The following BFSP2 variants were observed in gnomAD, a reference collection of about 807,000 sequenced individuals.
BFSP2 encodes phakinin.
Under a neutral mutation model 44.9 loss-of-function variants are expected in BFSP2, and 38 were observed. That is an observed-to-expected ratio of 0.85 (90% CI 0.65 to 1.11). The LOEUF is 1.11. BFSP2 is among the 50% of genes least tolerant of loss of function. BFSP2 has a pLI of 0.00. For missense variants in BFSP2, 525 were observed against 533.0 expected (o/e 0.99, Z 0.15); for synonymous variants, 197 against 209.9 (o/e 0.94, Z 0.53).
At chr3:133,460,427 A>G (rs2074051754) in intron 4 of BFSP2, among the ~76,000 whole-genome samples, 1 of 152,076 alleles carries the variant, frequency 6.6e-6, no homozygotes, top group African/African-American at 2.4e-5. Flanking sequence ...TTGGTTTTTA[A>G]AAGATTTTTT....
intron 4 of BFSP2, among the ~76,000 whole-genome samples, chr3:133,454,609 G>T (rs546711045): frequency 6.6e-6 from 1 of 152,270 alleles, no homozygotes; most frequent in Admixed American, 6.5e-5. Context: ...TCTGCAGAGG[G>T]ATAAGTAGAT....
rs545471348 is a variant in BFSP2 at position 133,400,913 on chromosome 3, C to A, written c.489+341C>A. ...AGAGGGATGGAGATGAGATTTGAAC[C>A]TGAATTTTTGTGCCTCCAAAGTTGC... is the stretch of plus-strand genomic sequence containing the variant. On this transcript the variant is annotated intron_variant, in intron 1 of 6. Coordinates refer to ENST00000302334, the MANE Select transcript of BFSP2 (RefSeq NM_003571.4). This position sits in a 1 kb window ranked among gnomAD's most constrained non-coding sequence, Gnocchi z 4.0. 2.6e-5 allele frequency among the ~76,000 whole-genome samples: 4 copies of A among 152,278 alleles called. No individual in the cohort carries two copies. Among genetic ancestry groups the A allele is most frequent in the African/African-American group, 9.6e-5 (4 of 41,560 alleles).
chr3:133,424,218 T>TGTGTGTGTGTG lies in BFSP2; in HGVS notation c.490-23099_490-23098insGTGTGTGTGTG, dbSNP rs1473665826. ...CTACCACCGCGTCCAGCTAATTTTT[T>TGTGTGTGTGTG]TTTTTTTTTTTTTTTTTTTTTTTGT... On this transcript the variant is annotated intron_variant, in intron 1 of 6. Transcript: ENST00000302334. 6.6e-4 allele frequency among the ~76,000 whole-genome samples: 43 copies of TGTGTGTGTGTG among 64,804 alleles called. 1 individual carries two copies. The highest frequency in any genetic ancestry group is 2.2e-3 in the African/African-American group (42 of 19,078). The allele number at this position is 64,804 out of a possible 152,430, so 42.5% of individuals were successfully genotyped here. A position where few individuals can be genotyped will look rare whatever the true frequency, so the allele number is the denominator to read the frequency against.
chr3:133,472,212 A>G, intron 5 of BFSP2, 133 bp from the exon 6 acceptor site: 2 of 1,001,630 alleles, frequency 2.0e-6, no homozygotes, highest in East Asian at 2.6e-5. Context: ...ATCAGTCTCC[A>G]TAACTGGCAA....
intron 4 of BFSP2, among the ~76,000 whole-genome samples, chr3:133,454,479 G>C (rs977701713): frequency 2.8e-4 from 42 of 152,148 alleles, no homozygotes; most frequent in African/African-American, 9.9e-4. Context: ...GCCTGAAGTA[G>C]TATCAGATCC....
intron 1 of BFSP2, among the ~76,000 whole-genome samples, chr3:133,409,228 G>GT (rs900187077): frequency 0.049 from 55 of 1,132 alleles, no homozygotes; most frequent in Admixed American, 0.17. Flanking sequence ...TCTGACACTG[G>GT]TGTGTGTGTG....
At chr3:133,407,234 G>C (rs1307927682) in intron 1 of BFSP2, among the ~76,000 whole-genome samples, 1 of 152,052 alleles carries the variant, frequency 6.6e-6, no homozygotes, top group African/African-American at 2.4e-5. Context: ...AACAAACAAT[G>C]CTATTTATAT....
At chr3:133,452,198 A>C (rs770160226) in intron 4 of BFSP2, among the ~76,000 whole-genome samples, 7 of 152,170 alleles carry the variant, frequency 4.6e-5, no homozygotes, top group Admixed American at 1.3e-4. Context: ...AAAATAGGAG[A>C]GGCTTTTCTG....
At chr3:133,411,560 A>G (rs1199498105) in intron 1 of BFSP2, among the ~76,000 whole-genome samples, 1 of 152,170 alleles carries the variant, frequency 6.6e-6, no homozygotes, top group Non-Finnish European at 1.5e-5. Context: ...GAATATGATT[A>G]AGCCTCAAGA....
chr3:133,407,667 G>A (rs148550408), intron 1 of BFSP2, among the ~76,000 whole-genome samples: 1,792 of 152,152 alleles, frequency 0.012, 15 homozygotes, highest in South Asian at 0.035. Context: ...ATAGTTTAGC[G>A]TTGGCACAAA....
In BFSP2 at chr3:133,434,765, C is replaced by T. The variant is rs142385696; in HGVS notation, c.490-12552C>T. Among the ~76,000 whole-genome samples, 171 of 152,312 alleles carry T rather than the reference C, an allele frequency of 1.1e-3. 1 individual carries two copies. The highest frequency in any genetic ancestry group is 3.5e-3 in the African/African-American group (145 of 41,570). ...CTCATCCTGGCTCAAAAAGCTACCCCACTGAGCACCTTGTGACCCCCACTC... is the reference window on the plus strand; with the variant it reads ...CTCATCCTGGCTCAAAAAGCTACCCTACTGAGCACCTTGTGACCCCCACTC... On this transcript the variant is annotated intron_variant, in intron 1 of 6. Transcript: ENST00000302334.
chr3:133,423,368 T>G (rs2073612236), intron 1 of BFSP2, among the ~76,000 whole-genome samples: 1 of 152,182 alleles, frequency 6.6e-6, no homozygotes, highest in Admixed American at 6.5e-5. Flanking sequence ...GTTGTGGGAA[T>G]TAAATAATTC....
chr3:133,439,135 G>A (rs151012387), intron 1 of BFSP2, among the ~76,000 whole-genome samples: 136 of 152,322 alleles, frequency 8.9e-4, no homozygotes, highest in African/African-American at 3.1e-3. Context: ...GCCTGTGAAG[G>A]GCTGACTGTG....
rs762574725 is a variant in BFSP2, at chr3:133,400,432, G to A, written c.349G>A (p.Glu117Lys). Residue 117 changes from glutamate to lysine, a missense_variant, in exon 1 of 7, where the codon GAA becomes AAA. Physicochemically the swap from Glu to Lys is moderately conservative, Grantham distance 56. Coordinates refer to ENST00000302334, the MANE Select transcript of BFSP2 (RefSeq NM_003571.4). The surrounding 1 kb of genome is among the most constrained non-coding windows in gnomAD (Gnocchi z 4.0). ...TGAGGACCTAGGGGGCTGCCTGGTG[G>A]AATATATGGCCAAAGTGCACGCCCT... ...AVEDLGGCLV[E>K]YMAKVHALEQ... is the part of the protein sequence containing the mutation. 8 of 1,613,966 alleles carry A rather than the reference G, an allele frequency of 5.0e-6. No homozygotes were observed. In the East Asian group the frequency reaches 1.8e-4, roughly 36 times the overall value.
At chr3:133,474,878 A>C in intron 6 of BFSP2, 91 bp from the exon 7 acceptor site, 2 of 1,522,370 alleles carry the variant, frequency 1.3e-6, no homozygotes, top group Non-Finnish European at 1.8e-6. Flanking sequence ...AGATTCTTTC[A>C]TGAGATGGCC....
chr3:133,429,901 C>T (rs1027232778), intron 1 of BFSP2, among the ~76,000 whole-genome samples: 4 of 151,426 alleles, frequency 2.6e-5, no homozygotes, highest in African/African-American at 9.8e-5. Flanking sequence ...GCTATCCCTC[C>T]CCACTACCCC....
At chr3:133,402,162 G>A (rs532843293) in intron 1 of BFSP2, among the ~76,000 whole-genome samples, 7 of 152,208 alleles carry the variant, frequency 4.6e-5, no homozygotes, top group South Asian at 2.1e-4. Flanking sequence ...CTGGACAATC[G>A]CTTGCAATCA....
In BFSP2 at chr3:133,472,405, A is replaced by G; in HGVS notation, c.1084A>G (p.Asn362Asp). ...AKHWHDMELQ[N>D]LGAVVGRLEA... ...GCACTGGCATGACATGGAGCTCCAG[A>G]ACCTGGGCGCTGTGGTCGGCCGGCT... Residue 362 changes from asparagine to aspartate, a missense_variant, in exon 6 of 7, where the codon AAC becomes GAC. By Grantham distance (23) the Asn-to-Asp change is conservative. Transcript: ENST00000302334. The G allele has an allele frequency of 2.5e-6, 4 of 1,614,130 alleles. No homozygotes were observed. Among genetic ancestry groups the G allele is most frequent in the Non-Finnish European group, 3.4e-6 (4 of 1,179,998 alleles).
rs776447032 is a variant in BFSP2, at chr3:133,472,582, C to T, written c.1244+17C>T. The T allele has an allele frequency of 7.5e-6, 12 of 1,607,708 alleles. No homozygotes were observed. The highest frequency in any genetic ancestry group is 2.5e-6 in the Non-Finnish European group (3 of 1,177,786). On this transcript the variant is annotated intron_variant, in intron 6 of 6. Transcript: ENST00000302334. ...GGAGAGCGGGTAAGCCTCGCTTCCG[C>T]GTCAATTATCCAAGAGATGCATATT...
Sources: gnomAD v4.1 joint callset for allele counts (sites outside exome capture counted in the v4.1 genomes callset) on GRCh38, gnomAD v4.1.1 for gene constraint, Gnocchi (gnomAD v3.1) non-coding constraint, MANE v1.5 for transcripts, NCBI Gene and HGNC (gene_info 2026-07-23, HGNC 2026-07-21) for gene names.